Variants in MAPK8 observed in about 807,000 individuals in gnomAD.
The protein encoded by MAPK8 is JUN N-terminal kinase.
A neutral mutation model predicts 52.9 loss-of-function variants in MAPK8; 13 were observed. The ratio of observed to expected loss-of-function variants is 0.25; its 90% CI spans 0.16 to 0.39. The LOEUF (loss-of-function observed/expected upper bound fraction) is 0.39, where lower values mean the gene tolerates loss of function less well. Among genes scored for constraint, MAPK8 ranks in the 10% least tolerant of loss-of-function variants. The probability of loss-of-function intolerance (pLI) is 1.00; values close to 1 mark genes in which losing one functional copy is unlikely to be tolerated. For synonymous variants in MAPK8, 191 were observed against 169.8 expected, an observed-to-expected ratio of 1.12 and a Z score of -0.97; for missense variants, 300 against 519.2, an observed-to-expected ratio of 0.58 and a Z score of 4.10.
chr10:48,351,250 G>A (rs1465957002), intron 1 of MAPK8, among the ~76,000 whole-genome samples: 3 of 148,050 alleles, frequency 2.0e-5, no homozygotes, highest in East Asian at 3.9e-4. Context: ...TTTCTTCACA[G>A]AATTAGAAAA....
intron 1 of MAPK8, among the ~76,000 whole-genome samples, chr10:48,320,894 T>C (rs1842933029): frequency 6.6e-6 from 1 of 152,154 alleles, no homozygotes; most frequent in African/African-American, 2.4e-5. Flanking sequence ...TGTTATTGTC[T>C]GTCTTGAAAA....
intron 1 of MAPK8, among the ~76,000 whole-genome samples, chr10:48,373,103 T>G (rs1279032436): frequency 1.3e-5 from 2 of 152,102 alleles, no homozygotes; most frequent in African/African-American, 4.8e-5. Flanking sequence ...AAGAAAAGAA[T>G]TTTCAATCGA....
intron 1 of MAPK8, among the ~76,000 whole-genome samples, chr10:48,307,860 T>C (rs1425738146): frequency 6.6e-6 from 1 of 151,992 alleles, no homozygotes; most frequent in African/African-American, 2.4e-5. Context: ...GATGAAGAGG[T>C]TTGGTGTGAA....
intron 1 of MAPK8, among the ~76,000 whole-genome samples, chr10:48,357,000 A>T (rs530118594): frequency 4.6e-5 from 7 of 151,576 alleles, no homozygotes; most frequent in African/African-American, 1.7e-4. Flanking sequence ...CAAAAATCGG[A>T]TTGTTTTTTG....
At chr10:48,396,087 A>G (rs1415558620) in intron 1 of MAPK8, among the ~76,000 whole-genome samples, 1 of 152,122 alleles carries the variant, frequency 6.6e-6, no homozygotes, top group Admixed American at 6.5e-5. Flanking sequence ...TAAAGGAGAA[A>G]AAAATAATGA....
chr10:48,353,385 T>C (rs776076113), intron 1 of MAPK8, among the ~76,000 whole-genome samples: 9 of 152,154 alleles, frequency 5.9e-5, no homozygotes, highest in Non-Finnish European at 8.8e-5. Flanking sequence ...GGCAGACAGA[T>C]AGACACATAG....
intron 1 of MAPK8, among the ~76,000 whole-genome samples, chr10:48,333,584 C>G (rs1275667387): frequency 2.0e-5 from 3 of 152,246 alleles, no homozygotes; most frequent in Non-Finnish European, 4.4e-5. Context: ...CCTGGTTTAG[C>G]TCTTTCACTG....
chr10:48,316,786 A>G (rs1229275697), intron 1 of MAPK8, among the ~76,000 whole-genome samples: 3 of 152,200 alleles, frequency 2.0e-5, no homozygotes, highest in African/African-American at 7.2e-5. Flanking sequence ...AATGGGGATT[A>G]AATAGTTTAT....
chr10:48,398,976 A>G (rs1195912562), intron 1 of MAPK8, among the ~76,000 whole-genome samples: 1 of 152,104 alleles, frequency 6.6e-6, no homozygotes, highest in Non-Finnish European at 1.5e-5. Context: ...CAAATTGTAC[A>G]GTTGGTACAA....
chr10:48,398,278 C>T (rs1040313263), intron 1 of MAPK8, among the ~76,000 whole-genome samples: 3 of 151,760 alleles, frequency 2.0e-5, no homozygotes, highest in Admixed American at 6.6e-5. Context: ...AGAAGACAGC[C>T]GTATTTTTAC....
At chr10:48,427,735 A>G (rs10735223) in intron 10 of MAPK8, among the ~76,000 whole-genome samples, 150,458 of 152,168 alleles carry the variant, frequency 0.99, 74,414 homozygotes, top group Non-Finnish European at 1. Context: ...CTCGTGATCC[A>G]CCCGCCTCGG....
intron 1 of MAPK8, among the ~76,000 whole-genome samples, chr10:48,329,562 G>A (rs959830889): frequency 6.6e-6 from 1 of 151,874 alleles, no homozygotes; most frequent in Admixed American, 6.6e-5. Context: ...TTAAAGTAGT[G>A]TAGTCAGTGA....
At chr10:48,420,049 G>C (rs986695376) in intron 5 of MAPK8, 106 bp from the exon 6 acceptor site, 15 of 822,264 alleles carry the variant, frequency 1.8e-5, no homozygotes, top group Non-Finnish European at 2.6e-5. Flanking sequence ...TGAGAAAAAC[G>C]AACAATTAAC....
intron 1 of MAPK8, among the ~76,000 whole-genome samples, chr10:48,359,791 C>T (rs1332508211): frequency 6.6e-6 from 1 of 152,028 alleles, no homozygotes; most frequent in Non-Finnish European, 1.5e-5. Context: ...TATGTAAAAG[C>T]CAACAACTGT....
chr10:48,324,503 G>GTTTTTTTTTTTTTGTTTTTTTTTTT (rs529248037), intron 1 of MAPK8, among the ~76,000 whole-genome samples: 41 of 117,998 alleles, frequency 3.5e-4, no homozygotes, highest in African/African-American at 1.4e-3. Context: ...CTGTTTTCTA[G>GTTTTTTTTTTTTTGTTTTTTTTTTT]TTTTTTTTTT....
intron 4 of MAPK8, 39 bp from the exon 5 acceptor site, chr10:48,409,991 G>C: frequency 6.2e-7 from 1 of 1,608,000 alleles, no homozygotes; most frequent in Non-Finnish European, 8.5e-7. Flanking sequence ...TTAGATTGCT[G>C]CTGGACACTT....
At chr10:48,352,431 C>G (rs868688480) in intron 1 of MAPK8, among the ~76,000 whole-genome samples, 1 of 151,894 alleles carries the variant, frequency 6.6e-6, no homozygotes, top group East Asian at 1.9e-4. Context: ...ACACAATGAC[C>G]AAGTGGACTT....
chr10:48,392,712 A>C (rs908943116), intron 1 of MAPK8, among the ~76,000 whole-genome samples: 1 of 151,976 alleles, frequency 6.6e-6, no homozygotes, highest in African/African-American at 2.4e-5. Context: ...AAACATGTTC[A>C]GGTTGTCTCT....
intron 1 of MAPK8, among the ~76,000 whole-genome samples, chr10:48,362,528 T>C (rs1413362356): frequency 7.7e-6 from 1 of 130,330 alleles, no homozygotes; most frequent in Non-Finnish European, 1.6e-5. Flanking sequence ...AAAAACCACA[T>C]TTTCTTTTTA....
Sources: gnomAD v4.1 joint callset for allele counts (sites outside exome capture counted in the v4.1 genomes callset) on GRCh38, gnomAD v4.1.1 for gene constraint, MANE v1.5 for transcripts, NCBI Gene and HGNC (gene_info 2026-07-23, HGNC 2026-07-21) for gene names.